The following ATRX variants were observed in gnomAD, a reference collection of about 807,000 sequenced individuals.
ATRX encodes the protein chromatin remodeler ATRX.
ATRX carries 12 observed loss-of-function variants against 172.6 expected under a neutral mutation model. The ratio of observed to expected loss-of-function variants is 0.07; its 90% CI spans 0.04 to 0.11. The LOEUF (loss-of-function observed/expected upper bound fraction) is 0.11. Among genes scored for constraint, ATRX ranks in the 10% least tolerant of loss-of-function variants. ATRX has a pLI of 1.00. For missense variants in ATRX, 1,368 were observed against 1,767.4 expected (o/e 0.77, Z 4.05); for synonymous variants, 674 against 594.7 (o/e 1.13, Z -1.94).
chrX:77,748,159 G>A lies in ATRX; in HGVS notation c.21-30916C>T, dbSNP rs182647289. Among the ~76,000 whole-genome samples, 1,077 of 111,816 alleles carry A rather than the reference G, an allele frequency of 9.6e-3. 9 individuals are homozygous for A. The highest frequency in any genetic ancestry group is 0.016 in the Non-Finnish European group (853 of 53,182). ...TATTTTTCTGATCCATGCATTTATT[G>A]TATATAAATTTAAAATAAAACAATA... On this transcript the variant is annotated intron_variant, in intron 1 of 34. Coordinates refer to ENST00000373344, the MANE Select transcript of ATRX (RefSeq NM_000489.6).
At chrX:77,558,412 T>A (rs997582698) in intron 29 of ATRX, among the ~76,000 whole-genome samples, 1 of 111,076 alleles carries the variant, frequency 9.0e-6, no homozygotes, top group Non-Finnish European at 1.9e-5. Flanking sequence ...CTGAGAGGGG[T>A]TGCATCTGCT....
intron 28 of ATRX, among the ~76,000 whole-genome samples, chrX:77,564,369 G>A (rs1188223969): frequency 9.0e-6 from 1 of 110,512 alleles, no homozygotes; most frequent in Non-Finnish European, 1.9e-5. Flanking sequence ...GAGTTTCATG[G>A]GCTACCTTTT....
At chrX:77,555,038 C>T (rs1266593943) in intron 30 of ATRX, among the ~76,000 whole-genome samples, 5 of 111,832 alleles carry the variant, frequency 4.5e-5, no homozygotes, top group East Asian at 5.6e-4. Context: ...AATGGGATGT[C>T]GGGATCAGAG....
intron 1 of ATRX, among the ~76,000 whole-genome samples, chrX:77,781,767 T>C (rs1953647683): frequency 9.0e-6 from 1 of 111,570 alleles, no homozygotes; most frequent in African/African-American, 3.3e-5. Flanking sequence ...CAGTTTTCAC[T>C]GGCTTCAACT....
intron 27 of ATRX, among the ~76,000 whole-genome samples, chrX:77,582,629 C>T (rs1209052212): frequency 9.1e-6 from 1 of 110,463 alleles, no homozygotes; most frequent in Admixed American, 9.6e-5. Flanking sequence ...AGAGAAGACC[C>T]AAAAAAATAA....
intron 1 of ATRX, among the ~76,000 whole-genome samples, chrX:77,778,475 C>T (rs1226788298): frequency 9.2e-6 from 1 of 108,111 alleles, no homozygotes; most frequent in Non-Finnish European, 1.9e-5. Context: ...GTAATCCCAG[C>T]ACTTTGGGAG....
At chrX:77,690,212 A>T (rs372384111) in intron 6 of ATRX, among the ~76,000 whole-genome samples, 1 of 111,044 alleles carries the variant, frequency 9.0e-6, no homozygotes, top group East Asian at 2.8e-4. Context: ...AGTAGCTGGG[A>T]CTATAGGCAT....
chrX:77,777,291 G>A (rs868971589), intron 1 of ATRX, among the ~76,000 whole-genome samples: 12 of 105,402 alleles, frequency 1.1e-4, no homozygotes, highest in African/African-American at 3.8e-4. Context: ...TGAGGCATGA[G>A]AATCGCTTGA....
intron 12 of ATRX, among the ~76,000 whole-genome samples, chrX:77,662,757 A>C (rs2069988025): frequency 9.0e-6 from 1 of 111,244 alleles, no homozygotes; most frequent in African/African-American, 3.3e-5. Flanking sequence ...CAATGGCGCA[A>C]TCTCAGCTCA....
At position 77,753,743 on chromosome X, in the gene ATRX, T is replaced by C. The variant is rs182716077; in HGVS notation, c.20+32239A>G. On this transcript the variant is annotated intron_variant, in intron 1 of 34. Transcript: ENST00000373344. ...TTACCAGCAGTCATTCAGGAGCAGG[T>C]TGTTCAGTTTCCATGTAGTTGTGGG... is the stretch of plus-strand genomic sequence containing the variant. Among the ~76,000 whole-genome samples the C allele has an allele frequency of 4.9e-4, 55 of 111,803 alleles. No homozygotes were observed. The East Asian group carries it at 9.5e-3, about 19-fold the overall frequency.
rs1256242126 is a variant in ATRX at position 77,636,060 on chromosome X, C to G, written c.4558-4G>C. On this transcript the variant is annotated splice_polypyrimidine_tract_variant and splice_region_variant and intron_variant, in intron 15 of 34. Transcript: ENST00000373344. ...AAGCATCTTCAATTTCTATCACCTACAAGAAAAGGAGTTGTTGATAGTTAA... is the reference window on the plus strand; with the variant it reads ...AAGCATCTTCAATTTCTATCACCTAGAAGAAAAGGAGTTGTTGATAGTTAA... The G allele has an allele frequency of 8.3e-7, 1 of 1,207,684 alleles. No homozygotes were observed. The highest frequency in any genetic ancestry group is 1.1e-6 in the Non-Finnish European group (1 of 893,569).
intron 1 of ATRX, among the ~76,000 whole-genome samples, chrX:77,753,630 T>C (rs1834202425): frequency 8.9e-6 from 1 of 111,983 alleles, no homozygotes; most frequent in Non-Finnish European, 1.9e-5. Flanking sequence ...AACACTGCTT[T>C]ATCTGTGTCC....
intron 19 of ATRX, among the ~76,000 whole-genome samples, chrX:77,627,138 CAGG>C (rs1385128053): frequency 2.7e-5 from 3 of 111,353 alleles, no homozygotes; most frequent in African/African-American, 9.8e-5. Context: ...GAGGCTGAGG[CAGG>C]AGAATGGCGT....
rs1235252679 is a variant in ATRX at position 77,506,944 on chromosome X, C to G, written c.*1407G>C. ...TTTTTGGAATTCTTAAGCTGTTTCA[C>G]TACCTGTTGTATCATCATCTCAAAA... On this transcript the variant is annotated 3_prime_UTR_variant, in exon 35 of 35. Transcript: ENST00000373344. 1.2e-5 allele frequency: 1 copy of G among 85,944 alleles called. No homozygotes were observed. The highest frequency in any genetic ancestry group is 2.0e-5 in the Non-Finnish European group (1 of 49,015). The allele number at this position is 85,944 out of a possible 1,213,427, so 7.1% of individuals were successfully genotyped here.
At position 77,682,737 on chromosome X, in the gene ATRX, C is replaced by A. The variant is rs191682105; in HGVS notation, c.2519G>T (p.Arg840Ile). ...GTCAAAATCTTTTGTATTTGGAATT[C>A]TTTTTTTGGTGGTTCTGGCAGCACC... ...KIGAARTTKK[R>I]IPNTKDFDSS... Residue 840 changes from arginine (R) to isoleucine (I), a missense_variant, in exon 9 of 35, where the codon AGA (arginine) becomes ATA (isoleucine). Transcript: ENST00000373344. 21 of 1,207,653 alleles carry A rather than the reference C, an allele frequency of 1.7e-5. No homozygotes were observed. The Admixed American group carries it at 3.1e-4, about 18-fold the overall frequency.
intron 1 of ATRX, among the ~76,000 whole-genome samples, chrX:77,769,538 G>A (rs1326663314): frequency 9.0e-6 from 1 of 110,945 alleles, no homozygotes; most frequent in Admixed American, 9.6e-5. Context: ...CACCTGCCTG[G>A]GCCTCCCAAA....
chrX:77,651,355 A>G (rs1000629558), intron 15 of ATRX, among the ~76,000 whole-genome samples: 7 of 110,680 alleles, frequency 6.3e-5, no homozygotes, highest in African/African-American at 2.3e-4. Flanking sequence ...AACTTTTGTA[A>G]CATAAAGTCC....
chrX:77,626,885 T>C (rs1249638805), intron 19 of ATRX, among the ~76,000 whole-genome samples: 2 of 111,416 alleles, frequency 1.8e-5, no homozygotes, highest in Non-Finnish European at 3.8e-5. Flanking sequence ...GGAAGGAGAG[T>C]GGTAGCCCTA....
chrX:77,756,374 T>G (rs1419026414), intron 1 of ATRX, among the ~76,000 whole-genome samples: 2 of 108,546 alleles, frequency 1.8e-5, no homozygotes, highest in African/African-American at 6.7e-5. Context: ...CTCACTGGGG[T>G]TCCAGGCACC....
Sources: gnomAD v4.1 joint callset for allele counts (sites outside exome capture counted in the v4.1 genomes callset) on GRCh38, gnomAD v4.1.1 for gene constraint, MANE v1.5 for transcripts, NCBI Gene and HGNC (gene_info 2026-07-23, HGNC 2026-07-21) for gene names.